PANK3: variants seen among roughly 807,000 people sequenced by gnomAD.
PANK3 encodes the protein hPanK3.
In PANK3, 20 loss-of-function variants were observed where a neutral mutation model predicts 39.4. The ratio of observed to expected loss-of-function variants is 0.51; its 90% CI spans 0.36 to 0.74. PANK3 has a LOEUF of 0.74. Among genes scored for constraint, PANK3 ranks in the 30% least tolerant of loss-of-function variants. The pLI, the probability that PANK3 is intolerant of heterozygous loss-of-function variation, is 0.00. For synonymous variants in PANK3, 140 were observed against 157.3 expected (o/e 0.89, Z 0.82); for missense variants, 265 against 437.0 (o/e 0.61, Z 3.51).
intron 1 of PANK3, among the ~76,000 whole-genome samples, chr5:168,571,875 A>G (rs1181463531): frequency 6.6e-6 from 1 of 152,186 alleles, no homozygotes; most frequent in African/African-American, 2.4e-5. Flanking sequence ...TACATTACAG[A>G]TAATCTTAAG....
intron 5 of PANK3, among the ~76,000 whole-genome samples, chr5:168,561,155 C>A (rs1220822062): frequency 6.6e-6 from 1 of 151,954 alleles, no homozygotes; most frequent in Non-Finnish European, 1.5e-5. Context: ...TTGTGTTTTT[C>A]TGAAAAAAAA....
chr5:168,552,544 A>T lies in PANK3; in HGVS notation c.*5027T>A. On this transcript the variant is annotated 3_prime_UTR_variant, in exon 7 of 7. Transcript: ENST00000239231. ...GGAGGTCCAGTTGGAGCAACCAGCC[A>T]CTGCTATTGCAAACTGAAGAGTGTG... 1 of 197,830 alleles carries T rather than the reference A, an allele frequency of 5.1e-6. No homozygotes were observed. The allele number at this position is 197,830 out of a possible 1,614,324, so 12.3% of individuals were successfully genotyped here. A position where few individuals can be genotyped will look rare whatever the true frequency, so the allele number is the denominator to read the frequency against.
chr5:168,578,398 G>A (rs1398575260), intron 1 of PANK3, among the ~76,000 whole-genome samples: 1 of 152,206 alleles, frequency 6.6e-6, no homozygotes, highest in Non-Finnish European at 1.5e-5. Context: ...TGTAAAAACA[G>A]CAAAAGTATC....
Position 168,555,427 on chromosome 5 carries a change from T to C in PANK3, c.*2144A>G, listed in dbSNP as rs1759333207. 1 of 152,252 alleles carries C rather than the reference T, an allele frequency of 6.6e-6. No homozygotes were observed. Among genetic ancestry groups the C allele is most frequent in the Non-Finnish European group, 1.5e-5 (1 of 68,104 alleles). 9.4% of individuals were successfully genotyped at this position (152,252 alleles called of 1,614,324 possible). A position where few individuals can be genotyped will look rare whatever the true frequency, so the allele number is the denominator to read the frequency against. On this transcript the variant is annotated 3_prime_UTR_variant, in exon 7 of 7. Coordinates refer to ENST00000239231, the MANE Select transcript of PANK3 (RefSeq NM_024594.4). ...GCCTGGCTAATTTTTGTATTTTTAG[T>C]AGGCAGGGTTTTGCCACACTGGCCA... is the stretch of plus-strand genomic sequence containing the variant.
Position 168,555,198 on chromosome 5 carries a change from G to T in PANK3, c.*2373C>A, listed in dbSNP as rs1041595586. On this transcript the variant is annotated 3_prime_UTR_variant, in exon 7 of 7. Coordinates refer to ENST00000239231, the MANE Select transcript of PANK3 (RefSeq NM_024594.4). ...TTAATAGAAATAAAATGTAAACCAT[G>T]TGTGATTTTATCTTTTCTAGTAAGC... 4.6e-5 allele frequency: 7 copies of T among 152,168 alleles called. No homozygotes were observed. Among genetic ancestry groups the T allele is most frequent in the African/African-American group, 1.7e-4 (7 of 41,442 alleles). The allele number at this position is 152,168 out of a possible 1,614,324, so 9.4% of individuals were successfully genotyped here.
In PANK3 at chr5:168,556,125, G is replaced by A. The variant is rs1028005243; in HGVS notation, c.*1446C>T. On this transcript the variant is annotated 3_prime_UTR_variant, in exon 7 of 7. Coordinates refer to ENST00000239231, the MANE Select transcript of PANK3 (RefSeq NM_024594.4). The stretch of plus-strand genomic sequence containing the variant: ...CCTAAATCTTAAGGTTGAAGGCAGA[G>A]GGCTCAACCCCACTCCAGATTCAGG... 1.3e-5 allele frequency: 2 copies of A among 152,208 alleles called. No homozygotes were observed. The highest frequency in any genetic ancestry group is 4.8e-5 in the African/African-American group (2 of 41,448). The allele number at this position is 152,208 out of a possible 1,614,324, so 9.4% of individuals were successfully genotyped here.
chr5:168,569,180 GTTT>G (rs544747926), intron 1 of PANK3, among the ~76,000 whole-genome samples, 182 bp from the exon 2 acceptor site: 1 of 115,940 alleles, frequency 8.6e-6, no homozygotes, highest in Non-Finnish European at 1.7e-5. Context: ...TCCCTTCAAA[GTTT>G]TTTTTTTTTT....
chr5:168,569,005 G>GTGT lies in PANK3; in HGVS notation c.29-8_29-7insACA. ...ATGCCAAACCATGGGAAAGCTATGG[G>GTGT]AGGAAAAAAAAAAAAAAAAAAAAAA... On this transcript the variant is annotated splice_polypyrimidine_tract_variant and splice_region_variant and intron_variant, in intron 1 of 6. Coordinates refer to ENST00000239231, the MANE Select transcript of PANK3 (RefSeq NM_024594.4). 3.0e-5 allele frequency: 13 copies of GTGT among 430,838 alleles called. No individual in the cohort carries two copies. The highest frequency in any genetic ancestry group is 3.8e-5 in the Non-Finnish European group (12 of 317,706). The allele number at this position is 430,838 out of a possible 1,614,324, so 26.7% of individuals were successfully genotyped here.
intron 5 of PANK3, 94 bp from the exon 6 acceptor site, chr5:168,559,251 G>A: frequency 2.3e-6 from 2 of 874,542 alleles, no homozygotes; most frequent in Non-Finnish European, 3.2e-6. Context: ...ATTTTAAAAT[G>A]CAAAAAAACA....
chr5:168,560,980 C>T (rs1039619899), intron 5 of PANK3: 2 of 499,798 alleles, frequency 4.0e-6, no homozygotes, highest in African/African-American at 1.9e-5. Flanking sequence ...AGTAAGAAAA[C>T]TTCCAAGAAT....
chr5:168,563,828 A>AAC, intron 4 of PANK3, 61 bp downstream of exon 4: 1 of 1,453,302 alleles, frequency 6.9e-7, no homozygotes, highest in Non-Finnish European at 9.2e-7. Context: ...GCTTTCCAAA[A>AAC]ACATAAGCAA....
rs1759297169 is a variant in PANK3 at position 168,553,082 on chromosome 5, T to C, written c.*4489A>G. ...CATTAGTACTCTTCCTTTCTGTTAA[T>C]GAGCAAAAACTTACGACTTCCAGGG... On this transcript the variant is annotated 3_prime_UTR_variant, in exon 7 of 7. Coordinates refer to ENST00000239231, the MANE Select transcript of PANK3 (RefSeq NM_024594.4). The C allele has an allele frequency of 4.8e-6, 2 of 420,282 alleles. No individual in the cohort carries two copies. The highest frequency in any genetic ancestry group is 1.9e-5 in the South Asian group (1 of 51,506). The allele number at this position is 420,282 out of a possible 1,614,324, so 26.0% of individuals were successfully genotyped here.
In PANK3 at chr5:168,561,464, G is replaced by T; in HGVS notation, c.865C>A (p.Leu289Met). The T allele has an allele frequency of 6.2e-7, 1 of 1,602,792 alleles. No homozygotes were observed. The highest frequency in any genetic ancestry group is 2.2e-5 in the East Asian group (1 of 44,460). The change falls in exon 5 of 7, where the codon CTG becomes ATG. Residue 289 changes from leucine (L) to methionine (M), a missense_variant. Physicochemically the swap from Leu to Met is conservative, Grantham distance 15. Transcript: ENST00000239231. ...EKRESVSKED[L>M]ARATLVTITN... The stretch of plus-strand genomic sequence containing the variant: ...ATAGTAACTAAAGTAGCTCTTGCCA[G>T]ATCTTCTTTACTAACAGATTCTCGC...
chr5:168,558,176 A>C (rs1759382024), intron 6 of PANK3, among the ~76,000 whole-genome samples: 1 of 133,480 alleles, frequency 7.5e-6, no homozygotes, highest in Non-Finnish European at 1.6e-5. Flanking sequence ...TTTTTTTTAG[A>C]CAGTCTCGCT....
rs1356169435 is a variant in PANK3, at chr5:168,579,341, G to T, written c.-58C>A. ...GATCCGGGGCACTGAGAGCAGAGGC[G>T]GCGACTCCGGAGGTGGCTGGGCCGC... On this transcript the variant is annotated 5_prime_UTR_variant, in exon 1 of 7. Transcript: ENST00000239231. 2.2e-6 allele frequency: 3 copies of T among 1,387,110 alleles called. No individual in the cohort carries two copies. The highest frequency in any genetic ancestry group is 1.5e-5 in the African/African-American group (1 of 66,758). The allele number at this position is 1,387,110 out of a possible 1,614,324, so 85.9% of individuals were successfully genotyped here.
At chr5:168,577,883 T>C (rs1400494916) in intron 1 of PANK3, among the ~76,000 whole-genome samples, 1 of 152,228 alleles carries the variant, frequency 6.6e-6, no homozygotes, top group Non-Finnish European at 1.5e-5. Flanking sequence ...AGTGTTCTAA[T>C]TACTGCACCT....
intron 5 of PANK3, 43 bp downstream of exon 5, chr5:168,561,350 C>T (rs1273790753): frequency 1.3e-6 from 2 of 1,529,496 alleles, no homozygotes; most frequent in Non-Finnish European, 1.8e-6. Flanking sequence ...GACTCCAATT[C>T]ACATTTTTGA....
chr5:168,558,966 A>G (rs1759398537), intron 6 of PANK3, 66 bp downstream of exon 6: 1 of 1,478,848 alleles, frequency 6.8e-7, no homozygotes. Context: ...CCTGAGTGAC[A>G]GAGCAAGACC....
At chr5:168,568,522 G>C in intron 2 of PANK3, 124 bp downstream of exon 2, 1 of 762,896 alleles carries the variant, frequency 1.3e-6, no homozygotes, top group Non-Finnish European at 2.1e-6. Flanking sequence ...CCAAGTGAAA[G>C]GCAACCATGG....
Sources: gnomAD v4.1 joint callset for allele counts (sites outside exome capture counted in the v4.1 genomes callset) on GRCh38, gnomAD v4.1.1 for gene constraint, MANE v1.5 for transcripts, NCBI Gene and HGNC (gene_info 2026-07-23, HGNC 2026-07-21) for gene names.